The following ARHGAP25 variants were observed in gnomAD, a reference collection of about 807,000 sequenced individuals.
ARHGAP25 encodes Rho GTPase activating protein 25.
Under a neutral mutation model 71.0 loss-of-function variants are expected in ARHGAP25, and 34 were observed. The observed-to-expected ratio is 0.48, with a 90% CI of 0.36 to 0.64. The LOEUF is 0.64. Among genes scored for constraint, ARHGAP25 ranks in the 30% least tolerant of loss-of-function variants. The pLI is 0.00. For synonymous variants in ARHGAP25, 282 were observed against 296.5 expected, an observed-to-expected ratio of 0.95 and a Z score of 0.50; for missense variants, 706 against 805.1, an observed-to-expected ratio of 0.88 and a Z score of 1.49.
chr2:68,761,031 TTGTC>T (rs1676779944), intron 1 of ARHGAP25, among the ~76,000 whole-genome samples: 1 of 151,924 alleles, frequency 6.6e-6, no homozygotes, highest in Non-Finnish European at 1.5e-5. Flanking sequence ...ATAGAATAGA[TTGTC>T]TGGAATAGAA....
chr2:68,752,082 A>T (rs997231148), intron 1 of ARHGAP25, among the ~76,000 whole-genome samples: 3 of 152,214 alleles, frequency 2.0e-5, no homozygotes, highest in Admixed American at 2.0e-4. Context: ...TCTGGACCTC[A>T]CTTATTGTGT....
Position 68,816,378 on chromosome 2 carries a change from T to C in ARHGAP25, c.881+16T>C. On this transcript the variant is annotated intron_variant, in intron 7 of 10. Coordinates refer to ENST00000409202, the MANE Select transcript of ARHGAP25 (RefSeq NM_001007231.3). ...ACATCTGCAGGTGAGAGGCCCCTGG[T>C]ATCAACTCTGCAGTTTTCAACCCCA... 6.3e-7 allele frequency: 1 copy of C among 1,599,548 alleles called. No individual in the cohort carries two copies. The highest frequency in any genetic ancestry group is 8.6e-7 in the Non-Finnish European group (1 of 1,167,196).
intron 2 of ARHGAP25, among the ~76,000 whole-genome samples, chr2:68,711,105 C>G (rs1674470189): frequency 6.6e-6 from 1 of 152,158 alleles, no homozygotes; most frequent in South Asian, 2.1e-4. Flanking sequence ...ACCCATTTAA[C>G]TTGCCTTCTT....
intron 1 of ARHGAP25, among the ~76,000 whole-genome samples, chr2:68,751,708 C>T (rs975011148): frequency 6.6e-6 from 1 of 152,232 alleles, no homozygotes; most frequent in Non-Finnish European, 1.5e-5. Flanking sequence ...CCTGTAATCT[C>T]ACAAAGGTTA....
intron 1 of ARHGAP25, among the ~76,000 whole-genome samples, chr2:68,774,355 G>C (rs1339193127): frequency 6.6e-6 from 1 of 152,186 alleles, no homozygotes; most frequent in Non-Finnish European, 1.5e-5. Flanking sequence ...GACAAGATGT[G>C]GAGGTACAGG....
At position 68,819,225 on chromosome 2, in the gene ARHGAP25, A is replaced by G. The variant is rs1236946166; in HGVS notation, c.1106A>G (p.Asn369Ser). The G allele has an allele frequency of 1.2e-6, 2 of 1,614,156 alleles. No individual in the cohort carries two copies. Among genetic ancestry groups the G allele is most frequent in the African/African-American group, 1.3e-5 (1 of 75,040 alleles). The change falls in exon 9 of 11, where the codon AAT (asparagine) becomes AGT (serine). Residue 369 changes from asparagine to serine, a missense_variant. Asn to Ser is a conservative substitution (Grantham distance 46). Coordinates refer to ENST00000409202, the MANE Select transcript of ARHGAP25 (RefSeq NM_001007231.3). The part of the protein sequence containing the change: ...DIPLSPPAQK[N>S]DPKKAPVARS... The stretch of plus-strand genomic sequence containing the variant: ...CCCCTGTCACCCCCTGCCCAGAAAA[A>G]TGACCCCAAGAAAGCTCCAGTGGCC...
chr2:68,757,848 G>A lies in ARHGAP25; in HGVS notation c.62-17373G>A, dbSNP rs549485390. On this transcript the variant is annotated intron_variant, in intron 1 of 10. Coordinates refer to ENST00000409202, the MANE Select transcript of ARHGAP25 (RefSeq NM_001007231.3). ...TTTAAAAACAATTATTAGTCTGGAA[G>A]CTAGCATTATTGTCAGTCTGGTTTG... The A allele has an allele frequency of 2.6e-5, 4 of 152,192 alleles. No homozygotes were observed. In the East Asian group the frequency reaches 7.7e-4, roughly 29 times the overall value. 9.4% of individuals were successfully genotyped at this position (152,192 alleles called of 1,614,324 possible).
intron 1 of ARHGAP25, among the ~76,000 whole-genome samples, chr2:68,753,637 G>A (rs4316972): frequency 0.8 from 121,218 of 152,152 alleles, 48,584 homozygotes; most frequent in Non-Finnish European, 0.84. Context: ...TGTTACTCCC[G>A]GATCACTGGG....
At chr2:68,825,690 G>A (rs957614405) in intron 10 of ARHGAP25, among the ~76,000 whole-genome samples, 2 of 152,120 alleles carry the variant, frequency 1.3e-5, no homozygotes, top group African/African-American at 2.4e-5. Context: ...AAGGAGAATG[G>A]TGTGAACCTG....
At chr2:68,768,249 G>T (rs1020505751) in intron 1 of ARHGAP25, among the ~76,000 whole-genome samples, 3 of 152,116 alleles carry the variant, frequency 2.0e-5, no homozygotes, top group Non-Finnish European at 1.5e-5. Flanking sequence ...GCTGGCTCGT[G>T]GTAAGTACTC....
intron 4 of ARHGAP25, among the ~76,000 whole-genome samples, chr2:68,796,259 T>C (rs900611774): frequency 3.9e-5 from 6 of 152,252 alleles, no homozygotes; most frequent in Non-Finnish European, 8.8e-5. Flanking sequence ...TTTCTTTGTA[T>C]TGATTTTAGA....
chr2:68,788,751 T>C (rs1031413415), intron 4 of ARHGAP25, among the ~76,000 whole-genome samples: 7 of 152,230 alleles, frequency 4.6e-5, no homozygotes, highest in South Asian at 2.1e-4. Flanking sequence ...CGCCTACTTG[T>C]GTCAACTCCA....
chr2:68,798,100 G>C (rs11126196), intron 4 of ARHGAP25, among the ~76,000 whole-genome samples: 46,753 of 151,950 alleles, frequency 0.31, 7,877 homozygotes, highest in South Asian at 0.37. Context: ...CAGCCATCTT[G>C]AAAAAAAAGA....
At chr2:68,757,561 T>G (rs370944699) in intron 1 of ARHGAP25, 5 of 152,250 alleles carry the variant, frequency 3.3e-5, no homozygotes, top group African/African-American at 1.2e-4. Flanking sequence ...AGAAAAAATA[T>G]TCTCCAAAAG....
At chr2:68,716,698 T>C (rs963010330) in intron 2 of ARHGAP25, among the ~76,000 whole-genome samples, 1 of 152,190 alleles carries the variant, frequency 6.6e-6, no homozygotes, top group Non-Finnish European at 1.5e-5. Context: ...CCACATGATG[T>C]TATCTTGAGG....
intron 4 of ARHGAP25, among the ~76,000 whole-genome samples, chr2:68,789,903 A>G (rs1285367848): frequency 6.6e-6 from 1 of 152,130 alleles, no homozygotes; most frequent in African/African-American, 2.4e-5. Context: ...TAGGCGGTGG[A>G]AAGTCCAGCG....
intron 1 of ARHGAP25, among the ~76,000 whole-genome samples, chr2:68,739,189 T>C (rs1175273206): frequency 3.9e-5 from 6 of 152,220 alleles, no homozygotes; most frequent in Non-Finnish European, 7.3e-5. Flanking sequence ...CCCCTGTACA[T>C]GCCAGATGAG....
At position 68,722,821 on chromosome 2, in the gene ARHGAP25, G is replaced by A. The variant is rs190599045; in HGVS notation, c.-18+12123G>A. ...GAGCCCTCAAGGACAGCTTTGCAAA[G>A]CACCATGCAAAGTGCTTGAGGCAAA... On this transcript the variant is annotated intron_variant and NMD_transcript_variant, in intron 2 of 7. Transcript: ENST00000463483. Among the ~76,000 whole-genome samples, 20 of 152,218 alleles carry A rather than the reference G, an allele frequency of 1.3e-4. No individual in the cohort carries two copies. The South Asian group carries it at 3.7e-3, about 28-fold the overall frequency.
At chr2:68,782,008 C>T (rs1413679440) in intron 2 of ARHGAP25, among the ~76,000 whole-genome samples, 1 of 152,110 alleles carries the variant, frequency 6.6e-6, no homozygotes, top group Non-Finnish European at 1.5e-5. Flanking sequence ...ATATCAGAAC[C>T]TTGTCTTTCT....
Sources: gnomAD v4.1 joint callset for allele counts (sites outside exome capture counted in the v4.1 genomes callset) on GRCh38, gnomAD v4.1.1 for gene constraint, MANE v1.5 for transcripts, NCBI Gene and HGNC (gene_info 2026-07-23, HGNC 2026-07-21) for gene names.